ZNF578: variants seen among roughly 807,000 people sequenced by gnomAD.
ZNF578 encodes Putative chemokine-related protein B42.
A neutral mutation model predicts 8.3 loss-of-function variants in ZNF578; 8 were observed. The ratio of observed to expected loss-of-function variants is 0.96; its 90% CI spans 0.56 to 1.74. The LOEUF (loss-of-function observed/expected upper bound fraction) is 1.74, where lower values mean the gene tolerates loss of function less well. ZNF578 is among the 40% of genes most tolerant of loss of function. The pLI, the probability that ZNF578 is intolerant of heterozygous loss-of-function variation, is 0.00. For missense variants in ZNF578, 726 were observed against 707.5 expected, an observed-to-expected ratio of 1.03 and a Z score of -0.30; for synonymous variants, 206 against 232.2, an observed-to-expected ratio of 0.89 and a Z score of 1.03.
chr19:52,499,074 C>A (rs2059397505), intron 3 of ZNF578, among the ~76,000 whole-genome samples: 2 of 152,160 alleles, frequency 1.3e-5, no homozygotes, highest in African/African-American at 4.8e-5. Flanking sequence ...CCTTCCTCCT[C>A]ACCTCAGAGC....
chr19:52,490,339 C>G (rs1026267694), intron 2 of ZNF578, among the ~76,000 whole-genome samples: 2 of 152,160 alleles, frequency 1.3e-5, no homozygotes, highest in Non-Finnish European at 1.5e-5. Flanking sequence ...TCAGAAGGTA[C>G]TGATCTTAAC....
intron 3 of ZNF578, chr19:52,492,782 G>T (rs778076031): frequency 2.6e-5 from 4 of 152,134 alleles, no homozygotes; most frequent in Admixed American, 1.3e-4. Context: ...AACTGTTCGC[G>T]GGCCCCGCCC....
chr19:52,491,661 G>A (rs2059365330), intron 3 of ZNF578, among the ~76,000 whole-genome samples: 1 of 152,002 alleles, frequency 6.6e-6, no homozygotes, highest in African/African-American at 2.4e-5. Flanking sequence ...GCTGCAGTGA[G>A]CCACGATCTC....
chr19:52,502,224 T>A (rs1201187057), intron 4 of ZNF578, among the ~76,000 whole-genome samples: 1 of 152,142 alleles, frequency 6.6e-6, no homozygotes, highest in African/African-American at 2.4e-5. Context: ...CTGGGCAGCC[T>A]GGATTGTTCA....
chr19:52,455,798 T>A (rs974544512), intron 1 of ZNF578: 1 of 152,234 alleles, frequency 6.6e-6, no homozygotes, highest in African/African-American at 2.4e-5. Context: ...TGAAAATGTT[T>A]TAGGGAATAA....
intron 2 of ZNF578, among the ~76,000 whole-genome samples, chr19:52,459,201 A>G (rs2059248549): frequency 6.6e-6 from 1 of 152,186 alleles, no homozygotes; most frequent in Non-Finnish European, 1.5e-5. Context: ...ACATATCTAG[A>G]AGTTTTTCAT....
At chr19:52,485,367 G>A (rs575580186) in intron 2 of ZNF578, among the ~76,000 whole-genome samples, 5 of 152,274 alleles carry the variant, frequency 3.3e-5, no homozygotes, top group African/African-American at 1.2e-4. Context: ...GAGCTTTTGT[G>A]CCGCTTTAGC....
intron 2 of ZNF578, among the ~76,000 whole-genome samples, chr19:52,476,669 C>T (rs1470957940): frequency 1.3e-5 from 2 of 152,188 alleles, no homozygotes; most frequent in Non-Finnish European, 2.9e-5. Context: ...ATATTTGCAA[C>T]ATAGAGCTGA....
intron 2 of ZNF578, chr19:52,457,164 G>A (rs1322005079): frequency 2.6e-5 from 4 of 152,514 alleles, no homozygotes; most frequent in African/African-American, 9.7e-5. Context: ...TCACTCTGAT[G>A]CTCCCCAGCC....
intron 2 of ZNF578, among the ~76,000 whole-genome samples, chr19:52,472,293 A>C (rs540611008): frequency 1.3e-5 from 2 of 152,244 alleles, no homozygotes; most frequent in African/African-American, 4.8e-5. Flanking sequence ...TAGACATAAC[A>C]TGATTCATTC....
chr19:52,464,072 T>C (rs922649663), intron 2 of ZNF578, among the ~76,000 whole-genome samples: 3 of 152,230 alleles, frequency 2.0e-5, no homozygotes, highest in African/African-American at 7.2e-5. Flanking sequence ...CCACAAAGTT[T>C]AACAATTCAT....
chr19:52,490,235 T>C (rs1264638789), intron 2 of ZNF578, among the ~76,000 whole-genome samples: 3 of 152,222 alleles, frequency 2.0e-5, no homozygotes, highest in Non-Finnish European at 4.4e-5. Flanking sequence ...CCTGGTGTTA[T>C]GTAACTGTAC....
At chr19:52,492,157 C>CAAAAAAAA (rs869249180) in intron 3 of ZNF578, among the ~76,000 whole-genome samples, 3 of 67,656 alleles carry the variant, frequency 4.4e-5, no homozygotes, top group African/African-American at 1.5e-4. Flanking sequence ...GATTCTGTCT[C>CAAAAAAAA]AAAAAAAAAA....
chr19:52,480,609 AAT>A (rs1568459276), intron 2 of ZNF578, among the ~76,000 whole-genome samples: 5 of 124,088 alleles, frequency 4.0e-5, no homozygotes, highest in African/African-American at 1.9e-4. Context: ...AAAAAAAAAA[AAT>A]TTTTGGCCGG....
At chr19:52,465,370 G>A (rs540898760) in intron 2 of ZNF578, among the ~76,000 whole-genome samples, 5 of 152,284 alleles carry the variant, frequency 3.3e-5, no homozygotes, top group African/African-American at 9.6e-5. Flanking sequence ...TAGGTTTAGG[G>A]AAACTGGAGG....
At chr19:52,508,455 A>G (rs368019115) in intron 5 of ZNF578, among the ~76,000 whole-genome samples, 2 of 152,212 alleles carry the variant, frequency 1.3e-5, no homozygotes, top group East Asian at 3.9e-4. Flanking sequence ...CAAATTCTCT[A>G]AAAGGCCCCA....
chr19:52,507,304 C>A (rs1265906540), intron 5 of ZNF578, among the ~76,000 whole-genome samples: 1 of 152,118 alleles, frequency 6.6e-6, no homozygotes, highest in Non-Finnish European at 1.5e-5. Flanking sequence ...GGGAGAATCA[C>A]TTGAACCTGG....
chr19:52,504,980 C>T (rs1360189966), intron 5 of ZNF578, among the ~76,000 whole-genome samples, 199 bp downstream of exon 5: 3 of 152,144 alleles, frequency 2.0e-5, no homozygotes, highest in Admixed American at 6.6e-5. Flanking sequence ...CTCCACCTTC[C>T]GGGTTCAAGT....
intron 2 of ZNF578, among the ~76,000 whole-genome samples, chr19:52,471,949 A>G (rs1379334142): frequency 1.3e-5 from 2 of 152,272 alleles, no homozygotes; most frequent in African/African-American, 4.8e-5. Context: ...CACTAATACG[A>G]AAAAGACATT....
Sources: allele counts gnomAD v4.1 joint callset (sites outside exome capture counted in the v4.1 genomes callset), GRCh38; gene constraint gnomAD v4.1.1; transcripts MANE v1.5; gene names NCBI Gene and HGNC (gene_info 2026-07-23, HGNC 2026-07-21).